The following HYDIN variants were observed in gnomAD, a reference collection of about 807,000 sequenced individuals.
HYDIN encodes the protein HYDIN axonemal central pair apparatus protein, also known as axonemal central pair apparatus protein HYDIN.
HYDIN carries 132 observed loss-of-function variants against 403.9 expected under a neutral mutation model. That is an observed-to-expected ratio of 0.33 (90% CI 0.28 to 0.38). The LOEUF is 0.38. Among genes scored for constraint, HYDIN ranks in the 10% least tolerant of loss-of-function variants. HYDIN has a pLI of 1.00. For missense variants in HYDIN, 2,827 were observed against 5,009.5 expected (o/e 0.56, Z 13.15); for synonymous variants, 1,202 against 1,891.7 (o/e 0.64, Z 9.46).
At chr16:71,003,723 C>T (rs1471571428) in intron 23 of HYDIN, among the ~76,000 whole-genome samples, 2 of 151,420 alleles carry the variant, frequency 1.3e-5, no homozygotes, top group Admixed American at 6.6e-5. Context: ...TGCTAGAACC[C>T]AGGAGGCGGA....
intron 13 of HYDIN, among the ~76,000 whole-genome samples, chr16:71,070,007 G>C (rs1489049265): frequency 6.6e-6 from 1 of 152,198 alleles, no homozygotes; most frequent in Admixed American, 6.5e-5. Context: ...GTGTGTCCTA[G>C]ACCTGTCTGG....
At chr16:70,976,224 C>G (rs2078883303) in intron 30 of HYDIN, among the ~76,000 whole-genome samples, 1 of 152,244 alleles carries the variant, frequency 6.6e-6, no homozygotes, top group Non-Finnish European at 1.5e-5. Context: ...AATGAAAAGG[C>G]TTGGATCTGG....
intron 4 of HYDIN, among the ~76,000 whole-genome samples, chr16:71,176,898 C>A (rs1366786254): frequency 1.3e-5 from 2 of 152,138 alleles, no homozygotes; most frequent in East Asian, 3.9e-4. Flanking sequence ...AGTGAGGAAG[C>A]AAATAAAAGG....
chr16:71,207,126 G>A (rs1473426659), intron 1 of HYDIN, among the ~76,000 whole-genome samples: 1 of 152,074 alleles, frequency 6.6e-6, no homozygotes, highest in Admixed American at 6.5e-5. Context: ...ACATAATCAT[G>A]AGCCCTCCAA....
At chr16:70,860,485 A>T (rs2039340040) in intron 70 of HYDIN, among the ~76,000 whole-genome samples, 1 of 134,346 alleles carries the variant, frequency 7.4e-6, no homozygotes, top group African/African-American at 3.3e-5. Context: ...TGTGTCTTCC[A>T]TATTTTCCTC....
chr16:71,226,938 G>A (rs891002253), intron 1 of HYDIN, among the ~76,000 whole-genome samples: 26 of 152,222 alleles, frequency 1.7e-4, no homozygotes, highest in African/African-American at 5.5e-4. Context: ...CTCCACAGCT[G>A]CAGCACCCAA....
In HYDIN at chr16:70,807,849, G is replaced by T; in HGVS notation, c.15097C>A (p.Arg5033=). 1 of 1,614,132 alleles carries T rather than the reference G, an allele frequency of 6.2e-7. No individual in the cohort carries two copies. Among genetic ancestry groups the T allele is most frequent in the Non-Finnish European group, 8.5e-7 (1 of 1,180,030 alleles). Residue 5033 remains arginine (R), a synonymous_variant, in exon 86 of 86, where the codon CGA becomes AGA. Transcript: ENST00000393567. ...PPKPQGPFSI[R]AGYSIIIPFK... ...GGGATGATTATGCTGTACCCGGCTC[G>T]GATCGAGAAGGGACCTTGGGGCTTG...
At chr16:71,158,562 T>C (rs1297237787) in intron 6 of HYDIN, among the ~76,000 whole-genome samples, 1 of 148,390 alleles carries the variant, frequency 6.7e-6, no homozygotes, top group Non-Finnish European at 1.5e-5. Context: ...CGCACTTGCA[T>C]ATCCACCTTA....
intron 5 of HYDIN, among the ~76,000 whole-genome samples, chr16:71,175,046 TG>T (rs2086612554): frequency 6.6e-6 from 1 of 151,708 alleles, no homozygotes; most frequent in Non-Finnish European, 1.5e-5. Context: ...CCACCATCAA[TG>T]ACAGCACCAC....
intron 67 of HYDIN, among the ~76,000 whole-genome samples, chr16:70,865,966 A>G (rs954955247): frequency 1.1e-4 from 16 of 152,134 alleles, no homozygotes; most frequent in African/African-American, 3.6e-4. Flanking sequence ...TTCCTGGCCT[A>G]TATCTTGATT....
In HYDIN at chr16:70,834,139, T is replaced by C. The variant is rs778911138; in HGVS notation, c.13427A>G (p.Asn4476Ser). 2.5e-6 allele frequency: 4 copies of C among 1,613,760 alleles called. No homozygotes were observed. The highest frequency in any genetic ancestry group is 3.4e-6 in the Non-Finnish European group (4 of 1,179,836). The change falls in exon 79 of 86, where the codon AAC becomes AGC. Residue 4476 changes from asparagine (N) to serine (S), a missense_variant. Physicochemically the swap from Asn to Ser is conservative, Grantham distance 46. Coordinates refer to ENST00000393567, the MANE Select transcript of HYDIN (RefSeq NM_001270974.2). ...GACTTCTTTGGGCTTCAGTGTGATG[T>C]TGTGGAAGGGCGCCAGGGTAAGGAC... Reference protein sequence around the residue: ...PKVLTLAPFHNITLKPKEVCK... With the variant: ...PKVLTLAPFHSITLKPKEVCK...
chr16:71,012,850 T>C (rs1285827430), intron 23 of HYDIN, among the ~76,000 whole-genome samples: 4 of 149,604 alleles, frequency 2.7e-5, no homozygotes, highest in Non-Finnish European at 5.9e-5. Context: ...CAGGTGGCTT[T>C]TTTTTTTTTT....
rs1258623485 is a variant in HYDIN, at chr16:70,908,172, G to A, written c.8396+80C>T. The A allele has an allele frequency of 2.2e-5, 28 of 1,264,226 alleles. 1 individual carries two copies. The highest frequency in any genetic ancestry group is 2.9e-5 in the African/African-American group (2 of 67,972). 78.3% of individuals were successfully genotyped at this position (1,264,226 alleles called of 1,614,324 possible). ...CTGCCCCAGCTCCACGTTATGGTAA[G>A]AGCCACCTTGTTCAAAGTGCCATGG... On this transcript the variant is annotated intron_variant, in intron 49 of 85. Coordinates refer to ENST00000393567, the MANE Select transcript of HYDIN (RefSeq NM_001270974.2).
At chr16:71,026,457 T>C (rs1371692516) in intron 20 of HYDIN, among the ~76,000 whole-genome samples, 1 of 152,086 alleles carries the variant, frequency 6.6e-6, no homozygotes, top group Admixed American at 6.6e-5. Context: ...CCCCAGCAGC[T>C]CAGAATTAAT....
At chr16:70,901,425 C>T (rs888944876) in intron 52 of HYDIN, among the ~76,000 whole-genome samples, 2 of 151,414 alleles carry the variant, frequency 1.3e-5, no homozygotes, top group Admixed American at 1.3e-4. Flanking sequence ...CACCCTCCAC[C>T]CGCAAGCATC....
chr16:70,914,324 C>T (rs1300556704), intron 47 of HYDIN, among the ~76,000 whole-genome samples: 2 of 152,042 alleles, frequency 1.3e-5, no homozygotes, highest in South Asian at 2.1e-4. Flanking sequence ...TCTTATAATA[C>T]TGGCTTGGTA....
At chr16:71,132,110 ATT>A (rs1260435002) in intron 8 of HYDIN, 1 of 94,880 alleles carries the variant, frequency 1.1e-5, no homozygotes, top group Non-Finnish European at 2.0e-5. Context: ...ATTAGAATGG[ATT>A]TTTGCCCTCA....
At chr16:71,015,645 G>A (rs202115797) in intron 23 of HYDIN, among the ~76,000 whole-genome samples, 4 of 151,666 alleles carry the variant, frequency 2.6e-5, no homozygotes, top group Non-Finnish European at 4.4e-5. Context: ...TCAGTGCTTC[G>A]CTAGGTCATC....
At chr16:71,171,288 T>C (rs59644695) in intron 5 of HYDIN, among the ~76,000 whole-genome samples, 5,550 of 152,322 alleles carry the variant, frequency 0.036, 343 homozygotes, top group African/African-American at 0.12. Flanking sequence ...AGGAGAGCCT[T>C]CCCTTGACTT....
Sources: allele counts gnomAD v4.1 joint callset (sites outside exome capture counted in the v4.1 genomes callset), GRCh38; gene constraint gnomAD v4.1.1; transcripts MANE v1.5; gene names NCBI Gene and HGNC (gene_info 2026-07-23, HGNC 2026-07-21).